ESR1: variants seen among roughly 807,000 people sequenced by gnomAD.
ESR1 encodes estrogen receptor.
In ESR1, 12 loss-of-function variants were observed where a neutral mutation model predicts 52.7. The observed-to-expected ratio is 0.23, with a 90% CI of 0.15 to 0.37. The LOEUF (loss-of-function observed/expected upper bound fraction) is 0.37. ESR1 is among the 10% of genes least tolerant of loss of function. ESR1 has a pLI of 1.00. For missense variants in ESR1, 584 were observed against 779.7 expected (o/e 0.75, Z 2.99); for synonymous variants, 305 against 316.8 (o/e 0.96, Z 0.39).
At chr6:151,804,192 G>A (rs944131066), upstream of ESR1, among the ~76,000 whole-genome samples, 2 of 152,210 alleles carry the variant, frequency 1.3e-5, no homozygotes, top group Admixed American at 1.3e-4. Flanking sequence ...GGCTCACCAA[G>A]ATGAGTTTGG....
In ESR1 at chr6:151,859,631, A is replaced by G. The variant is rs916375816; in HGVS notation, c.643+16844A>G. Among the ~76,000 whole-genome samples the G allele has an allele frequency of 1.4e-4, 22 of 152,280 alleles. No homozygotes were observed. The East Asian group carries it at 4.1e-3, about 28-fold the overall frequency. ...CTGTCTGCAAGTATGCATTTTCCCT[A>G]AGGTGGGAAGCAGAGTTGGCAACAG... On this transcript the variant is annotated intron_variant, in intron 2 of 7. Transcript: ENST00000206249.
At chr6:151,752,391 C>G (rs1316435147) in intron 2 of ESR1, among the ~76,000 whole-genome samples, 1 of 151,442 alleles carries the variant, frequency 6.6e-6, no homozygotes, top group East Asian at 1.9e-4. Context: ...CACATTTAAA[C>G]TGCATTATTT....
intron 3 of ESR1, among the ~76,000 whole-genome samples, chr6:151,908,250 A>T (rs1259404535): frequency 6.6e-6 from 1 of 151,794 alleles, no homozygotes; most frequent in Admixed American, 6.6e-5. Flanking sequence ...TCTTTTTTTT[A>T]AATGTTTATT....
chr6:151,723,360 C>T (rs1187219947), intron 2 of ESR1, among the ~76,000 whole-genome samples: 1 of 152,224 alleles, frequency 6.6e-6, no homozygotes, highest in Non-Finnish European at 1.5e-5. Flanking sequence ...CACCACTCCT[C>T]CAAACTCCTG....
At chr6:151,783,489 G>C (rs979154253) in intron 2 of ESR1, among the ~76,000 whole-genome samples, 1 of 152,226 alleles carries the variant, frequency 6.6e-6, no homozygotes, top group African/African-American at 2.4e-5. Flanking sequence ...GTCTAATACA[G>C]AGTGGTGCTA....
chr6:151,777,720 G>A (rs1403113765), intron 2 of ESR1, among the ~76,000 whole-genome samples: 2 of 152,116 alleles, frequency 1.3e-5, no homozygotes, highest in Non-Finnish European at 2.9e-5. Context: ...AGCACTTTGG[G>A]GGACTGAGGC....
At chr6:152,007,971 A>T (rs2042462338) in intron 4 of ESR1, among the ~76,000 whole-genome samples, 1 of 152,150 alleles carries the variant, frequency 6.6e-6, no homozygotes, top group Admixed American at 6.5e-5. Flanking sequence ...CCTGTTTATC[A>T]GGAAAATAAA....
exon 1 of ESR1, chr6:151,690,574 C>G (rs1582899582): frequency 6.6e-6 from 1 of 152,232 alleles, no homozygotes; most frequent in East Asian, 1.9e-4. Flanking sequence ...TGCTCAGAAG[C>G]TCTTTAACAG....
chr6:152,013,657 T>C (rs924782775), intron 5 of ESR1, among the ~76,000 whole-genome samples: 4 of 152,102 alleles, frequency 2.6e-5, no homozygotes, highest in Non-Finnish European at 4.4e-5. Context: ...GCCAGTGAGG[T>C]GATATGGCCT....
intron 1 of ESR1, among the ~76,000 whole-genome samples, chr6:151,682,289 C>T (rs778296378): frequency 1.3e-5 from 2 of 152,118 alleles, no homozygotes; most frequent in South Asian, 2.1e-4. Flanking sequence ...GATGCTATTC[C>T]AGGTGCTCAG....
chr6:151,870,658 T>A (rs1442032266), intron 2 of ESR1, among the ~76,000 whole-genome samples: 3 of 152,182 alleles, frequency 2.0e-5, no homozygotes, highest in Non-Finnish European at 4.4e-5. Context: ...AACTCATTGC[T>A]TGTGATGATT....
At chr6:151,727,302 A>G (rs1028638301) in intron 2 of ESR1, among the ~76,000 whole-genome samples, 1 of 151,938 alleles carries the variant, frequency 6.6e-6, no homozygotes, top group South Asian at 2.1e-4. Context: ...CCTGGGTCCA[A>G]GTGATTCTCC....
chr6:151,683,093 T>A (rs1165590086), intron 1 of ESR1, among the ~76,000 whole-genome samples: 1 of 152,250 alleles, frequency 6.6e-6, no homozygotes, highest in East Asian at 1.9e-4. Context: ...CTTCCTTATG[T>A]CAATACTGGG....
rs1447664647 is a variant in ESR1, at chr6:152,061,528, T to G, written c.1369+404T>G. ...CAGATAGTAAAGAAAGAGGGTTATT[T>G]GAGACAGACCATGTTTCTGGTCAAA... On this transcript the variant is annotated intron_variant, in intron 6 of 7. Transcript: ENST00000206249. This position sits in a 1 kb window ranked among gnomAD's most constrained non-coding sequence, Gnocchi z 4.3. 6.6e-6 allele frequency among the ~76,000 whole-genome samples: 1 copy of G among 152,238 alleles called. No homozygotes were observed. The highest frequency in any genetic ancestry group is 1.5e-5 in the Non-Finnish European group (1 of 68,040).
intron 1 of ESR1, among the ~76,000 whole-genome samples, chr6:151,669,872 A>T (rs1178373785): frequency 6.6e-6 from 1 of 152,198 alleles, no homozygotes. Context: ...TGTAAAACAC[A>T]TTTGCATTGG....
At chr6:151,910,397 C>T (rs558568840) in intron 3 of ESR1, among the ~76,000 whole-genome samples, 1 of 152,194 alleles carries the variant, frequency 6.6e-6, no homozygotes, top group Non-Finnish European at 1.5e-5. Context: ...CAGGACAAAG[C>T]CCAAATGGGC....
Position 151,808,058 on chromosome 6 carries a change from C to A in ESR1, c.146C>A (p.Pro49His), listed in dbSNP as rs2128155960. ...LGEVYLDSSKPAVYNYPEGAA... is the reference protein window; with the variant it reads ...LGEVYLDSSKHAVYNYPEGAA... ...GAGGTGTACCTGGACAGCAGCAAGC[C>A]CGCCGTGTACAACTACCCCGAGGGC... The change falls in exon 1 of 8, where the codon CCC (proline) becomes CAC (histidine). Residue 49 changes from proline (P) to histidine (H), a missense_variant. Physicochemically the swap from Pro to His is moderately conservative, Grantham distance 77 (BLOSUM62 -2). Coordinates refer to ENST00000206249, the MANE Select transcript of ESR1 (RefSeq NM_000125.4). The A allele has an allele frequency of 6.2e-7, 1 of 1,613,564 alleles. No homozygotes were observed. Among genetic ancestry groups the A allele is most frequent in the Non-Finnish European group, 8.5e-7 (1 of 1,179,926 alleles).
chr6:152,125,232 G>T, intron 6 of ESR1: 1 of 1,547,234 alleles, frequency 6.5e-7, no homozygotes, highest in South Asian at 1.2e-5. Flanking sequence ...TAGGAATAAT[G>T]GTAATGGTAA....
intron 2 of ESR1, among the ~76,000 whole-genome samples, chr6:151,721,631 CATTT>C (rs1414446175): frequency 1.2e-4 from 18 of 152,316 alleles, no homozygotes; most frequent in Non-Finnish European, 2.5e-4. Flanking sequence ...GATTTTCATT[CATTT>C]GTTTATCATC....
Sources: gnomAD v4.1 joint callset for allele counts (sites outside exome capture counted in the v4.1 genomes callset) on GRCh38, gnomAD v4.1.1 for gene constraint, Gnocchi (gnomAD v3.1) non-coding constraint, MANE v1.5 for transcripts, NCBI Gene and HGNC (gene_info 2026-07-23, HGNC 2026-07-21) for gene names.